Variants in ARHGAP26 observed in about 807,000 individuals in gnomAD.
ARHGAP26 encodes rho GTPase-activating protein 26.
Under a neutral mutation model 104.8 loss-of-function variants are expected in ARHGAP26, and 38 were observed. The observed-to-expected ratio is 0.36, with a 90% CI of 0.28 to 0.48. The LOEUF (loss-of-function observed/expected upper bound fraction) is 0.48. Ranked by LOEUF, ARHGAP26 falls within the 20% of genes least tolerant of loss-of-function variation. The pLI is 0.99. For synonymous variants in ARHGAP26, 341 were observed against 340.0 expected (o/e 1.00, Z -0.03); for missense variants, 704 against 947.9 (o/e 0.74, Z 3.38).
intron 11 of ARHGAP26, among the ~76,000 whole-genome samples, chr5:142,949,228 GAGAGGAGAGAGA>G (rs1463045573): frequency 4.0e-5 from 3 of 75,422 alleles, no homozygotes; most frequent in African/African-American, 1.6e-4. Flanking sequence ...AGAGGAGAGA[GAGAGGAGAGAGA>G]GAGAGAGAGA....
chr5:143,110,414 C>A (rs1794636049), intron 17 of ARHGAP26, among the ~76,000 whole-genome samples: 1 of 152,196 alleles, frequency 6.6e-6, no homozygotes, highest in Admixed American at 6.5e-5. Context: ...CTTGCACTTT[C>A]TTCGTTGGGT....
intron 17 of ARHGAP26, among the ~76,000 whole-genome samples, chr5:143,088,373 G>T (rs1198747034): frequency 6.6e-6 from 1 of 152,106 alleles, no homozygotes; most frequent in Non-Finnish European, 1.5e-5. Context: ...ATACAGGTGA[G>T]TAGATGATGG....
chr5:143,216,137 G>A (rs1250608628), intron 22 of ARHGAP26: 1 of 471,392 alleles, frequency 2.1e-6, no homozygotes, highest in Non-Finnish European at 4.4e-6. Context: ...GGGGGAAAAA[G>A]GAAGAGAAGC....
rs1234566189 is a variant in ARHGAP26, at chr5:143,228,470, TA to T, written c.*6025del. 1 of 220,112 alleles carries T rather than the reference TA, an allele frequency of 4.5e-6. No homozygotes were observed. The highest frequency in any genetic ancestry group is 2.2e-5 in the African/African-American group (1 of 44,648). 13.6% of individuals were successfully genotyped at this position (220,112 alleles called of 1,614,324 possible). A position where few individuals can be genotyped will look rare whatever the true frequency, so the allele number is the denominator to read the frequency against. ...TTATCAAACAATTACTGTCTACAGC[TA>T]CATTTTTTGTTAACTTACTTAAAGT... On this transcript the variant is annotated 3_prime_UTR_variant, in exon 23 of 23. Transcript: ENST00000645722.
At chr5:142,825,622 A>G (rs193193493) in intron 1 of ARHGAP26, among the ~76,000 whole-genome samples, 2 of 152,222 alleles carry the variant, frequency 1.3e-5, no homozygotes, top group Middle Eastern at 3.4e-3. Flanking sequence ...TTATTTTTCT[A>G]TTGTAATTCC....
At chr5:142,839,953 C>T (rs1490491075) in intron 1 of ARHGAP26, among the ~76,000 whole-genome samples, 15 of 151,750 alleles carry the variant, frequency 9.9e-5, no homozygotes, top group Non-Finnish European at 1.8e-4. Context: ...TGGAGTTATG[C>T]GTATTATTTT....
intron 1 of ARHGAP26, among the ~76,000 whole-genome samples, chr5:142,844,433 G>T: frequency 6.6e-6 from 1 of 151,248 alleles, no homozygotes; most frequent in Non-Finnish European, 1.5e-5. Flanking sequence ...TCTTTTTGAG[G>T]GTAGTGTCAA....
chr5:143,084,672 G>A (rs757464192), intron 17 of ARHGAP26, among the ~76,000 whole-genome samples: 1 of 152,138 alleles, frequency 6.6e-6, no homozygotes, highest in Non-Finnish European at 1.5e-5. Context: ...CCAAAGGCTC[G>A]CTGCTTTGGG....
chr5:142,809,309 A>G (rs1400691227), intron 1 of ARHGAP26, among the ~76,000 whole-genome samples: 2 of 152,246 alleles, frequency 1.3e-5, no homozygotes, highest in Non-Finnish European at 2.9e-5. Context: ...AGAAAAAAAT[A>G]TAGGTCTACT....
chr5:142,872,252 C>G (rs1233628059), intron 1 of ARHGAP26, among the ~76,000 whole-genome samples: 1 of 152,042 alleles, frequency 6.6e-6, no homozygotes, highest in Non-Finnish European at 1.5e-5. Context: ...GGGGACAAAT[C>G]TGGGAGCTAA....
chr5:142,802,343 G>C (rs912373231), intron 1 of ARHGAP26, among the ~76,000 whole-genome samples: 1 of 152,188 alleles, frequency 6.6e-6, no homozygotes, highest in Non-Finnish European at 1.5e-5. Context: ...TTTTAGTGGA[G>C]AGGTCCATGC....
chr5:142,863,106 G>GTT lies in ARHGAP26; in HGVS notation c.155-10279_155-10278dup, dbSNP rs747130987. 6.1e-3 allele frequency among the ~76,000 whole-genome samples: 867 copies of GTT among 141,954 alleles called. 13 individuals carry two copies. The highest frequency in any genetic ancestry group is 0.02 in the African/African-American group (781 of 38,718). The allele number at this position is 141,954 out of a possible 152,430, so 93.1% of individuals were successfully genotyped here. On this transcript the variant is annotated intron_variant, in intron 1 of 22. Transcript: ENST00000645722. The stretch of plus-strand genomic sequence containing the variant: ...GTTGGCTCCTTGGTTTTCAAGTGAG[G>GTT]TTTTTTTTTTTTTTTTCTTTTTGAG...
chr5:143,024,179 T>C lies in ARHGAP26; in HGVS notation c.1144+10063T>C, dbSNP rs562109023. On this transcript the variant is annotated intron_variant, in intron 12 of 22. Coordinates refer to ENST00000645722, the MANE Select transcript of ARHGAP26 (RefSeq NM_001135608.3). ...AGGAACAGCTTGTTTTTGCAGATATTTTATTATTTGAGTTCCCAGCTATTT... is the reference window on the plus strand; with the variant it reads ...AGGAACAGCTTGTTTTTGCAGATATCTTATTATTTGAGTTCCCAGCTATTT... Among the ~76,000 whole-genome samples the C allele has an allele frequency of 2.6e-5, 4 of 152,232 alleles. No homozygotes were observed. The South Asian group carries it at 8.3e-4, about 32-fold the overall frequency.
intron 22 of ARHGAP26, among the ~76,000 whole-genome samples, chr5:143,220,721 T>A (rs149176486): frequency 1.7e-4 from 26 of 152,318 alleles, no homozygotes; most frequent in African/African-American, 5.5e-4. Context: ...AGCTTAGTGA[T>A]CTGAAATTGG....
intron 11 of ARHGAP26, among the ~76,000 whole-genome samples, chr5:142,974,964 A>G (rs1022631089): frequency 6.6e-6 from 1 of 152,004 alleles, no homozygotes; most frequent in Non-Finnish European, 1.5e-5. Context: ...TTTTCCATTA[A>G]TCCTGCCTTG....
intron 18 of ARHGAP26, among the ~76,000 whole-genome samples, chr5:143,131,258 C>T (rs1286227058): frequency 6.6e-6 from 1 of 152,156 alleles, no homozygotes; most frequent in East Asian, 1.9e-4. Flanking sequence ...ACCAGTTACT[C>T]TTTTTTGTTT....
At chr5:143,026,318 A>G (rs1285889114) in intron 12 of ARHGAP26, among the ~76,000 whole-genome samples, 1 of 152,240 alleles carries the variant, frequency 6.6e-6, no homozygotes, top group Non-Finnish European at 1.5e-5. Context: ...ATTGACAACA[A>G]AGAGTAAGCA....
At chr5:142,862,930 G>A (rs973797264) in intron 1 of ARHGAP26, among the ~76,000 whole-genome samples, 3 of 152,148 alleles carry the variant, frequency 2.0e-5, no homozygotes, top group Non-Finnish European at 4.4e-5. Flanking sequence ...AACAGAGTCT[G>A]TGTTCTCTCA....
Position 143,216,420 on chromosome 5 carries a change from G to A in ARHGAP26, c.2191+2332G>A. ...TGAGAATTACTTACAAGGCCCTCCA[G>A]GGCCCAGTTCCTGCCCCTCTGACCT... is the stretch of plus-strand genomic sequence containing the variant. On this transcript the variant is annotated intron_variant, in intron 22 of 22. Transcript: ENST00000645722. 9.6e-6 allele frequency: 4 copies of A among 415,192 alleles called. No homozygotes were observed. In the Admixed American group the frequency reaches 1.0e-4, roughly 11 times the overall value. The allele number at this position is 415,192 out of a possible 1,614,324, so 25.7% of individuals were successfully genotyped here. A position where few individuals can be genotyped will look rare whatever the true frequency, so the allele number is the denominator to read the frequency against.
Sources: gnomAD v4.1 joint callset for allele counts (sites outside exome capture counted in the v4.1 genomes callset) on GRCh38, gnomAD v4.1.1 for gene constraint, MANE v1.5 for transcripts, NCBI Gene and HGNC (gene_info 2026-07-23, HGNC 2026-07-21) for gene names.